Variants in CPSF4 observed in about 807,000 individuals in gnomAD.
CPSF4 encodes the protein cleavage and polyadenylation specificity factor subunit 4.
In CPSF4, 11 loss-of-function variants were observed where a neutral mutation model predicts 37.7. The observed-to-expected ratio is 0.29, with a 90% CI of 0.18 to 0.48. CPSF4 has a LOEUF of 0.48. CPSF4 is among the 20% of genes least tolerant of loss of function. The probability of loss-of-function intolerance (pLI) is 0.99; values close to 1 mark genes in which losing one functional copy is unlikely to be tolerated. For missense variants in CPSF4, 144 were observed against 359.5 expected (o/e 0.40, Z 4.85); for synonymous variants, 132 against 135.9 (o/e 0.97, Z 0.20).
chr7:99,439,005 G>T lies in CPSF4; in HGVS notation c.-78G>T. On this transcript the variant is annotated 5_prime_UTR_variant, in exon 1 of 8. Coordinates refer to ENST00000292476, the MANE Select transcript of CPSF4 (RefSeq NM_006693.4). ...GAAGCGAAGGAGGAGTGTGTGCGGC[G>T]GGGCCGGCGGCGGGTAAAGGCGAGA... 7.0e-7 allele frequency: 1 copy of T among 1,429,468 alleles called. No homozygotes were observed. 88.5% of individuals were successfully genotyped at this position (1,429,468 alleles called of 1,614,324 possible).
chr7:99,449,127 G>A (rs1021339847), intron 3 of CPSF4: 1 of 152,350 alleles, frequency 6.6e-6, no homozygotes, highest in Admixed American at 6.5e-5. Flanking sequence ...CAGGGAGCCC[G>A]GCAGGAGGCT....
intron 6 of CPSF4, 24 bp downstream of exon 6, chr7:99,452,464 T>C: frequency 6.2e-7 from 1 of 1,601,726 alleles, no homozygotes; most frequent in East Asian, 2.2e-5. Context: ...CCTTCCTCGG[T>C]AGGAAGGAAG....
chr7:99,442,115 T>C (rs998923700), intron 1 of CPSF4, among the ~76,000 whole-genome samples: 7 of 152,358 alleles, frequency 4.6e-5, no homozygotes, highest in Non-Finnish European at 4.4e-5. Flanking sequence ...TTTTGTGATT[T>C]AGCAAGGGGA....
chr7:99,456,262 C>T, intron 7 of CPSF4, 170 bp from the exon 8 acceptor site: 1 of 646,488 alleles, frequency 1.5e-6, no homozygotes, highest in South Asian at 1.8e-5. Flanking sequence ...TGAGCTCCCT[C>T]ACCCTCTAAT....
Position 99,452,654 on chromosome 7 carries a change from A to G in CPSF4, c.570+214A>G. Reference sequence around the variant, plus strand: ...CTTGCCCTAGAACCTCAGCAAGGCCAAGCGCAGCAGCAGACACAGTCCAGG... The same window carrying G: ...CTTGCCCTAGAACCTCAGCAAGGCCGAGCGCAGCAGCAGACACAGTCCAGG... On this transcript the variant is annotated intron_variant, in intron 6 of 7. Coordinates refer to ENST00000292476, the MANE Select transcript of CPSF4 (RefSeq NM_006693.4). 1.6e-5 allele frequency: 9 copies of G among 562,440 alleles called. 1 individual carries two copies. In the South Asian group the frequency reaches 1.8e-4, roughly 11 times the overall value. 34.8% of individuals were successfully genotyped at this position (562,440 alleles called of 1,614,324 possible).
At chr7:99,443,764 CAAAAA>C (rs1265598512) in intron 1 of CPSF4, among the ~76,000 whole-genome samples, 1 of 151,804 alleles carries the variant, frequency 6.6e-6, no homozygotes, top group Non-Finnish European at 1.5e-5. Flanking sequence ...ACTAAAAATA[CAAAAA>C]AATTGGGCAG....
rs45458593 is a variant in CPSF4 at position 99,455,789 on chromosome 7, C to T, written c.742-643C>T. On this transcript the variant is annotated intron_variant, in intron 7 of 7. Coordinates refer to ENST00000292476, the MANE Select transcript of CPSF4 (RefSeq NM_006693.4). ...GATTTGTCATGTGGCTCTGCAGGCT[C>T]CCCTTACCCAAGTCTAAGCATCGTC... is the stretch of plus-strand genomic sequence containing the variant. Among the ~76,000 whole-genome samples the T allele has an allele frequency of 3.5e-3, 534 of 152,320 alleles. 1 individual carries two copies. The highest frequency in any genetic ancestry group is 6.2e-3 in the Non-Finnish European group (419 of 68,018).
intron 5 of CPSF4, 158 bp downstream of exon 5, chr7:99,450,953 GCCA>G (rs1797888143): frequency 3.3e-6 from 2 of 606,162 alleles, no homozygotes; most frequent in South Asian, 1.9e-5. Flanking sequence ...CCTGCTTATG[GCCA>G]CCAATGCTTC....
At chr7:99,447,913 A>C (rs929907681) in intron 2 of CPSF4, 1 of 609,062 alleles carries the variant, frequency 1.6e-6, no homozygotes, top group Non-Finnish European at 3.0e-6. Context: ...CCCGGCCATG[A>C]GTAACTATTA....
At position 99,457,092 on chromosome 7, in the gene CPSF4, CTTAA is replaced by C. The variant is rs1798362044; in HGVS notation, c.*595_*598del. ...CAAGCCTGAGGTTTTCTTCTCTGGGCTTAATTTTCTCTTGGGGTACGTGCCTGAC... is the reference window on the plus strand; with the variant it reads ...CAAGCCTGAGGTTTTCTTCTCTGGGCTTTTCTCTTGGGGTACGTGCCTGAC... On this transcript the variant is annotated 3_prime_UTR_variant, in exon 8 of 8. Transcript: ENST00000292476. 5.5e-6 allele frequency: 1 copy of C among 181,798 alleles called. No individual in the cohort carries two copies. Among genetic ancestry groups the C allele is most frequent in the South Asian group, 1.2e-4 (1 of 8,692 alleles). 11.3% of individuals were successfully genotyped at this position (181,798 alleles called of 1,614,324 possible). A position where few individuals can be genotyped will look rare whatever the true frequency, so the allele number is the denominator to read the frequency against.
At position 99,448,375 on chromosome 7, in the gene CPSF4, T is replaced by G. The variant is rs1797687674; in HGVS notation, c.307+102T>G. On this transcript the variant is annotated intron_variant, in intron 3 of 7. Coordinates refer to ENST00000292476, the MANE Select transcript of CPSF4 (RefSeq NM_006693.4). The surrounding 1 kb of genome is among the most constrained non-coding windows in gnomAD (Gnocchi z 4.4). ...CTGTCTCTGCCTGCTTTTCCCATCT[T>G]TCTATTCTCAGAGGAGAACTCTGGC... The G allele has an allele frequency of 1.5e-6, 2 of 1,326,832 alleles. No individual in the cohort carries two copies. Among genetic ancestry groups the G allele is most frequent in the South Asian group, 1.4e-5 (1 of 69,028 alleles). 82.2% of individuals were successfully genotyped at this position (1,326,832 alleles called of 1,614,324 possible).
At position 99,439,201 on chromosome 7, in the gene CPSF4, G is replaced by A. The variant is rs996917043; in HGVS notation, c.103+16G>A. On this transcript the variant is annotated intron_variant, in intron 1 of 7. Coordinates refer to ENST00000292476, the MANE Select transcript of CPSF4 (RefSeq NM_006693.4). Reference sequence around the variant, plus strand: ...GGCATGGACAGTGAGCGCGGGGCCCGGGCGGGAGGGCAAGAGCGACTCGAA... The same window carrying A: ...GGCATGGACAGTGAGCGCGGGGCCCAGGCGGGAGGGCAAGAGCGACTCGAA... 10 of 1,575,626 alleles carry A rather than the reference G, an allele frequency of 6.3e-6. No individual in the cohort carries two copies. Among genetic ancestry groups the A allele is most frequent in the Non-Finnish European group, 6.9e-6 (8 of 1,162,384 alleles).
rs1243287069 is a variant in CPSF4, at chr7:99,444,859, C to A, written c.154+20C>A. ...GCAAAGGTAAGAAACTCCGGGCTCC[C>A]TGATGTGCCTCCGGAGGCGCCCTCC... is the stretch of plus-strand genomic sequence containing the variant. On this transcript the variant is annotated intron_variant, in intron 2 of 7. Coordinates refer to ENST00000292476, the MANE Select transcript of CPSF4 (RefSeq NM_006693.4). 3.1e-6 allele frequency: 5 copies of A among 1,612,212 alleles called. No individual in the cohort carries two copies. The African/African-American group carries it at 6.7e-5, about 22-fold the overall frequency.
chr7:99,441,473 C>A (rs1796979575), intron 1 of CPSF4: 3 of 456,146 alleles, frequency 6.6e-6, no homozygotes, highest in African/African-American at 2.0e-5. Context: ...TCCACACTCG[C>A]TGCTTGTCCA....
At chr7:99,456,034 G>C (rs1414463003) in intron 7 of CPSF4, among the ~76,000 whole-genome samples, 2 of 152,248 alleles carry the variant, frequency 1.3e-5, no homozygotes. Flanking sequence ...GTGCAGAAGG[G>C]CTTGGTCCCC....
At chr7:99,442,580 C>G (rs1373562366) in intron 1 of CPSF4, among the ~76,000 whole-genome samples, 1 of 142,288 alleles carries the variant, frequency 7.0e-6, no homozygotes, top group East Asian at 2.1e-4. Flanking sequence ...GGTGTGAACC[C>G]CGGTGGGGCA....
At chr7:99,440,674 A>ATATATGTTTTTTT in intron 1 of CPSF4, among the ~76,000 whole-genome samples, 1 of 88,130 alleles carries the variant, frequency 1.1e-5, no homozygotes, top group African/African-American at 9.7e-5. Flanking sequence ...ATATATATAT[A>ATATATGTTTTTTT]TTTTTTTTTT....
chr7:99,450,918 G>A, intron 5 of CPSF4, 123 bp downstream of exon 5: 2 of 679,200 alleles, frequency 2.9e-6, no homozygotes, highest in South Asian at 1.7e-5. Context: ...GGCCAAGGGT[G>A]GGGGCAGGAG....
intron 1 of CPSF4, chr7:99,443,044 C>A: frequency 8.4e-7 from 1 of 1,192,560 alleles, no homozygotes; most frequent in Non-Finnish European, 1.3e-6. Flanking sequence ...ACATTCAAAC[C>A]AAATCTTTGA....
Sources: allele counts gnomAD v4.1 joint callset (sites outside exome capture counted in the v4.1 genomes callset), GRCh38; gene constraint gnomAD v4.1.1; non-coding constraint Gnocchi (gnomAD v3.1); transcripts MANE v1.5; gene names NCBI Gene and HGNC (gene_info 2026-07-23, HGNC 2026-07-21).